Variants in LY96 observed in about 807,000 individuals in gnomAD.
The protein encoded by LY96 is lymphocyte antigen 96, also known as myeloid differentiation protein-2.
Under a neutral mutation model 18.9 loss-of-function variants are expected in LY96, and 18 were observed. The ratio of observed to expected loss-of-function variants is 0.95; its 90% CI spans 0.66 to 1.41. The LOEUF (loss-of-function observed/expected upper bound fraction) is 1.41. LY96 is among the 40% of genes most tolerant of loss of function. The pLI is 0.00. For synonymous variants in LY96, 66 were observed against 62.6 expected (o/e 1.06, Z -0.26); for missense variants, 175 against 182.4 (o/e 0.96, Z 0.23).
At chr8:74,042,648 A>T in the LY96 span, among the ~76,000 whole-genome samples, 1 of 152,224 alleles carries the variant, frequency 6.6e-6, no homozygotes, top group Non-Finnish European at 1.5e-5. Context: ...GGAATCTTGT[A>T]GAGGCAGTTT....
the LY96 span, among the ~76,000 whole-genome samples, chr8:74,081,062 T>TC: frequency 2.9e-3 from 363 of 125,266 alleles, 2 homozygotes; most frequent in African/African-American, 7.8e-3. Flanking sequence ...CTTTCTTTCT[T>TC]TCTTACTTTC....
chr8:74,009,374 C>CAAAAAAAAAAAAAA (rs370593442), intron 2 of LY96, among the ~76,000 whole-genome samples: 13 of 58,794 alleles, frequency 2.2e-4, no homozygotes, highest in African/African-American at 4.1e-4. Flanking sequence ...CAGTCTTTCT[C>CAAAAAAAAAAAAAA]AAAAAAAAAA....
chr8:73,997,440 G>A (rs949214182), intron 1 of LY96, among the ~76,000 whole-genome samples: 1 of 152,106 alleles, frequency 6.6e-6, no homozygotes, highest in Admixed American at 6.5e-5. Flanking sequence ...TTGACACAGA[G>A]GCCAGAGAGA....
At chr8:74,071,412 T>C in the LY96 span, among the ~76,000 whole-genome samples, 1 of 152,310 alleles carries the variant, frequency 6.6e-6, no homozygotes, top group Admixed American at 6.5e-5. Context: ...TGTAGGGCAC[T>C]GCAACCAGTT....
chr8:74,087,652 G>A, the LY96 span, among the ~76,000 whole-genome samples: 2 of 152,144 alleles, frequency 1.3e-5, no homozygotes, highest in African/African-American at 4.8e-5. Flanking sequence ...TTTGTTTCTG[G>A]ACTGCCTATC....
At chr8:74,096,270 C>T in the LY96 span, among the ~76,000 whole-genome samples, 4 of 152,166 alleles carry the variant, frequency 2.6e-5, no homozygotes, top group African/African-American at 9.7e-5. Flanking sequence ...TAGACCAAGG[C>T]CCTCATTAAG....
chr8:74,078,968 A>T, the LY96 span, among the ~76,000 whole-genome samples: 3 of 152,014 alleles, frequency 2.0e-5, no homozygotes, highest in African/African-American at 7.3e-5. Context: ...TTGATGTGTT[A>T]ACTTGACTGT....
the LY96 span, among the ~76,000 whole-genome samples, chr8:74,076,063 C>G: frequency 6.6e-6 from 1 of 151,940 alleles, no homozygotes; most frequent in Non-Finnish European, 1.5e-5. Flanking sequence ...ACCTTTTTAC[C>G]CCTCCTTTCT....
At chr8:74,089,732 A>C in the LY96 span, among the ~76,000 whole-genome samples, 1 of 134,524 alleles carries the variant, frequency 7.4e-6, no homozygotes, top group East Asian at 2.5e-4. Flanking sequence ...GGATAGTGAT[A>C]AGCATGATGG....
chr8:74,078,601 G>A, the LY96 span, among the ~76,000 whole-genome samples: 1 of 152,128 alleles, frequency 6.6e-6, no homozygotes, highest in Admixed American at 6.5e-5. Context: ...GGTCACTGGA[G>A]TTCAAAGCTG....
the LY96 span, among the ~76,000 whole-genome samples, chr8:74,034,142 G>A: frequency 6.6e-6 from 1 of 152,320 alleles, no homozygotes; most frequent in African/African-American, 2.4e-5. Context: ...GGAGGCCAAG[G>A]TGGGTGGATC....
intron 1 of LY96, among the ~76,000 whole-genome samples, chr8:73,998,350 A>G (rs542785483): frequency 6.6e-6 from 1 of 151,820 alleles, no homozygotes; most frequent in African/African-American, 2.4e-5. Flanking sequence ...TTCTGTACAC[A>G]TTTTATAGTT....
downstream of LY96, among the ~76,000 whole-genome samples, chr8:74,033,904 T>C (rs1005652664): frequency 6.6e-6 from 1 of 152,018 alleles, no homozygotes; most frequent in Non-Finnish European, 1.5e-5. Flanking sequence ...TGGAGACTTT[T>C]TTTTTTTTTA....
the LY96 span, among the ~76,000 whole-genome samples, chr8:74,073,686 C>T: frequency 6.7e-6 from 1 of 148,602 alleles, no homozygotes; most frequent in African/African-American, 2.6e-5. Context: ...TATTTTGAGA[C>T]GGAGTCTTGC....
intron 1 of LY96, among the ~76,000 whole-genome samples, chr8:73,994,296 C>A (rs1255381709): frequency 6.6e-6 from 1 of 152,168 alleles, no homozygotes; most frequent in Non-Finnish European, 1.5e-5. Flanking sequence ...TTGCCATCCC[C>A]ACTGCCATAT....
At chr8:74,048,252 C>T in the LY96 span, among the ~76,000 whole-genome samples, 1 of 150,132 alleles carries the variant, frequency 6.7e-6, no homozygotes, top group African/African-American at 2.5e-5. Context: ...CAGTGGTCTT[C>T]GTTTAGTTCT....
intron 1 of LY96, 104 bp from the exon 2 acceptor site, chr8:74,004,692 A>T: frequency 2.7e-6 from 3 of 1,103,614 alleles, no homozygotes; most frequent in Admixed American, 2.6e-5. Context: ...TTCTTATTTT[A>T]TAATTTTAAT....
intron 3 of LY96, among the ~76,000 whole-genome samples, chr8:74,018,856 AGATATT>A (rs1816699305): frequency 3.3e-5 from 5 of 152,218 alleles, no homozygotes; most frequent in Non-Finnish European, 7.3e-5. Flanking sequence ...GCAGAAATAA[AGATATT>A]CTTTGAAACC....
At chr8:74,006,047 A>T (rs1396040038) in intron 2 of LY96, among the ~76,000 whole-genome samples, 2 of 152,116 alleles carry the variant, frequency 1.3e-5, no homozygotes, top group African/African-American at 4.8e-5. Flanking sequence ...TAGACAACAA[A>T]CTTGTGTTTT....
Sources: gnomAD v4.1 joint callset for allele counts (sites outside exome capture counted in the v4.1 genomes callset) on GRCh38, gnomAD v4.1.1 for gene constraint, MANE v1.5 for transcripts, NCBI Gene and HGNC (gene_info 2026-07-23, HGNC 2026-07-21) for gene names.